Variants in EIF4G3 observed in about 807,000 individuals in gnomAD.
EIF4G3 encodes eIF-4-gamma 3.
Under a neutral mutation model 186.4 loss-of-function variants are expected in EIF4G3, and 34 were observed. The observed-to-expected ratio is 0.18, with a 90% confidence interval of 0.14 to 0.24. The LOEUF is 0.24. Ranked by LOEUF, EIF4G3 falls within the 10% of genes least tolerant of loss-of-function variation. EIF4G3 has a pLI of 1.00. For missense variants in EIF4G3, 1,536 were observed against 1,948.5 expected (o/e 0.79, Z 3.99); for synonymous variants, 673 against 679.5 (o/e 0.99, Z 0.15).
intron 34 of EIF4G3, among the ~76,000 whole-genome samples, chr1:20,814,766 C>CCT (rs2060059940): frequency 1.7e-5 from 1 of 60,466 alleles, no homozygotes; most frequent in Non-Finnish European, 3.4e-5. Flanking sequence ...TCCCCCTCCC[C>CCT]CTCCCCCTCC....
At chr1:20,866,634 C>G (rs1028228318) in intron 20 of EIF4G3, among the ~76,000 whole-genome samples, 3 of 152,056 alleles carry the variant, frequency 2.0e-5, no homozygotes, top group Non-Finnish European at 2.9e-5. Flanking sequence ...AAAGCAAAAG[C>G]CAAAAGTTGA....
At chr1:21,119,004 T>G (rs2096880570) in intron 2 of EIF4G3, among the ~76,000 whole-genome samples, 1 of 149,932 alleles carries the variant, frequency 6.7e-6, no homozygotes, top group South Asian at 2.1e-4. Flanking sequence ...ATGAAGTTAA[T>G]ATATCTGCAT....
intron 2 of EIF4G3, among the ~76,000 whole-genome samples, chr1:21,141,480 G>GAAAAA (rs1221266065): frequency 1.4e-5 from 1 of 70,008 alleles, no homozygotes; most frequent in African/African-American, 5.3e-5. Context: ...CCTACCAAGA[G>GAAAAA]AAAAAAAAAA....
chr1:20,981,551 TATAC>T (rs74991891), intron 8 of EIF4G3, among the ~76,000 whole-genome samples: 4,155 of 58,508 alleles, frequency 0.071, 128 homozygotes, highest in African/African-American at 0.16. Flanking sequence ...ATACTGTATG[TATAC>T]ATACATACAT....
chr1:20,961,690 C>G (rs1463127327), intron 12 of EIF4G3, among the ~76,000 whole-genome samples: 2 of 152,074 alleles, frequency 1.3e-5, no homozygotes, highest in African/African-American at 4.8e-5. Context: ...TCATGACGAA[C>G]AGAGAATAGG....
At position 20,979,528 on chromosome 1, in the gene EIF4G3, G is replaced by A. The variant is rs779713636; in HGVS notation, c.493+806C>T. On this transcript the variant is annotated intron_variant, in intron 10 of 36. Coordinates refer to ENST00000602326, the MANE Select transcript of EIF4G3 (RefSeq NM_001391906.1). ...AAAATCTTTAAGGTGTAAGGTGGTA[G>A]GAAATGTTTGGAGAAAAAGAGATTG... Among the ~76,000 whole-genome samples the A allele has an allele frequency of 8.5e-5, 13 of 152,128 alleles. No homozygotes were observed. The South Asian group carries it at 1.0e-3, about 12-fold the overall frequency.
intron 16 of EIF4G3, 36 bp from the exon 17 acceptor site, chr1:20,895,537 GGCATTATATACAGT>G: frequency 6.2e-7 from 1 of 1,606,016 alleles, no homozygotes; most frequent in East Asian, 2.2e-5. Context: ...CTGTTTGTAG[GGCATTATATACAGT>G]CATGCATTGC....
intron 3 of EIF4G3, among the ~76,000 whole-genome samples, chr1:21,058,383 G>C (rs1341729762): frequency 1.3e-5 from 2 of 152,182 alleles, no homozygotes; most frequent in East Asian, 1.9e-4. Context: ...CAAAAATAAG[G>C]CTTTCTGCAT....
intron 14 of EIF4G3, among the ~76,000 whole-genome samples, chr1:20,925,950 A>AG (rs2094855105): frequency 1.3e-5 from 2 of 152,238 alleles, no homozygotes; most frequent in Admixed American, 6.5e-5. Context: ...GGAAAGATAC[A>AG]TTCTGTGCTT....
chr1:20,813,131 T>G, intron 35 of EIF4G3, 27 bp downstream of exon 35: 26 of 1,479,440 alleles, frequency 1.8e-5, no homozygotes, highest in Non-Finnish European at 2.3e-5. Context: ...TCAGATGTTA[T>G]GAGCTGCCTT....
intron 14 of EIF4G3, among the ~76,000 whole-genome samples, chr1:20,931,318 T>C (rs1312083110): frequency 6.6e-6 from 1 of 152,098 alleles, no homozygotes; most frequent in Admixed American, 6.6e-5. Flanking sequence ...GGTTACTAGG[T>C]GTGTTGCCAA....
At chr1:21,018,651 G>A (rs764279834) in intron 4 of EIF4G3, among the ~76,000 whole-genome samples, 1 of 152,116 alleles carries the variant, frequency 6.6e-6, no homozygotes, top group Non-Finnish European at 1.5e-5. Context: ...GTTGGAGCTG[G>A]AGTCTAATGG....
At chr1:21,053,645 G>A (rs1431630046) in intron 3 of EIF4G3, among the ~76,000 whole-genome samples, 20 of 133,168 alleles carry the variant, frequency 1.5e-4, no homozygotes, top group African/African-American at 2.5e-4. Context: ...GGTGAGGGGC[G>A]CCTCTGCCCG....
intron 2 of EIF4G3, among the ~76,000 whole-genome samples, chr1:21,096,907 A>G (rs2096386725): frequency 6.6e-6 from 1 of 152,250 alleles, no homozygotes; most frequent in South Asian, 2.1e-4. Flanking sequence ...TTAATGTGCT[A>G]GAAGTTTCAG....
At chr1:20,990,739 G>A (rs142048994) in intron 7 of EIF4G3, among the ~76,000 whole-genome samples, 2 of 152,162 alleles carry the variant, frequency 1.3e-5, no homozygotes, top group Non-Finnish European at 2.9e-5. Flanking sequence ...TGTTCAGTTA[G>A]TAGACTACAG....
chr1:20,815,467 G>A (rs1347064558), intron 34 of EIF4G3, among the ~76,000 whole-genome samples: 3 of 150,624 alleles, frequency 2.0e-5, no homozygotes, highest in African/African-American at 7.3e-5. Flanking sequence ...CCTCTGCTGG[G>A]CCGCAACCCT....
chr1:21,024,427 T>C (rs1471591202), intron 4 of EIF4G3, among the ~76,000 whole-genome samples: 1 of 152,088 alleles, frequency 6.6e-6, no homozygotes, highest in Non-Finnish European at 1.5e-5. Context: ...AGGATGACAA[T>C]GGCGGCTTTG....
intron 4 of EIF4G3, among the ~76,000 whole-genome samples, chr1:21,027,116 A>T (rs2092231045): frequency 6.6e-6 from 1 of 151,986 alleles, no homozygotes; most frequent in South Asian, 2.1e-4. Flanking sequence ...AGGAAATACA[A>T]ATCAATACTA....
At chr1:21,022,912 C>T (rs534640275) in intron 4 of EIF4G3, among the ~76,000 whole-genome samples, 52 of 152,276 alleles carry the variant, frequency 3.4e-4, no homozygotes, top group African/African-American at 1.2e-3. Flanking sequence ...TGTTCTTTTA[C>T]TATGAATAAC....
Sources: gnomAD v4.1 joint callset for allele counts (sites outside exome capture counted in the v4.1 genomes callset) on GRCh38, gnomAD v4.1.1 for gene constraint, MANE v1.5 for transcripts, NCBI Gene and HGNC (gene_info 2026-07-23, HGNC 2026-07-21) for gene names.